KCNJ3: variants seen among roughly 807,000 people sequenced by gnomAD.
KCNJ3 encodes G protein-activated inward rectifier potassium channel 1.
In KCNJ3, 4 loss-of-function variants were observed where a neutral mutation model predicts 39.2. The observed-to-expected ratio is 0.10, with a 90% confidence interval of 0.05 to 0.23. The LOEUF (loss-of-function observed/expected upper bound fraction) is 0.23, where lower values mean the gene tolerates loss of function less well. KCNJ3 is among the 10% of genes least tolerant of loss of function. KCNJ3 has a pLI of 1.00. For missense variants in KCNJ3, 276 were observed against 634.9 expected, an observed-to-expected ratio of 0.43 and a Z score of 6.08; for synonymous variants, 230 against 237.4, an observed-to-expected ratio of 0.97 and a Z score of 0.29.
At chr2:154,748,422 A>G (rs1230239888) in intron 2 of KCNJ3, among the ~76,000 whole-genome samples, 1 of 152,178 alleles carries the variant, frequency 6.6e-6, no homozygotes, top group Non-Finnish European at 1.5e-5. Context: ...AACGAAAAGT[A>G]GAAAATTATG....
chr2:154,844,793 G>C (rs1310437565), intron 2 of KCNJ3, among the ~76,000 whole-genome samples: 1 of 152,188 alleles, frequency 6.6e-6, no homozygotes, highest in Non-Finnish European at 1.5e-5. Flanking sequence ...TGGTTGCTAA[G>C]ACCTTGGGAA....
At chr2:154,853,000 G>C (rs1198687828) in intron 2 of KCNJ3, among the ~76,000 whole-genome samples, 2 of 151,920 alleles carry the variant, frequency 1.3e-5, no homozygotes, top group Admixed American at 1.3e-4. Context: ...CATAGAAATA[G>C]GATGATACTT....
intron 1 of KCNJ3, among the ~76,000 whole-genome samples, chr2:154,703,721 G>C (rs1426769722): frequency 6.6e-6 from 1 of 151,946 alleles, no homozygotes; most frequent in African/African-American, 2.4e-5. Flanking sequence ...TTTATATCTT[G>C]CACTGAAATG....
intron 2 of KCNJ3, among the ~76,000 whole-genome samples, chr2:154,845,418 C>G (rs1687648014): frequency 6.6e-6 from 1 of 152,064 alleles, no homozygotes; most frequent in Admixed American, 6.6e-5. Context: ...CACACCGGGC[C>G]TGAAAAATAT....
intron 2 of KCNJ3, among the ~76,000 whole-genome samples, chr2:154,852,084 A>C (rs560527117): frequency 6.6e-6 from 1 of 152,348 alleles, no homozygotes; most frequent in Non-Finnish European, 1.5e-5. Context: ...ATATTTATTT[A>C]TATTAATCAA....
At chr2:154,808,829 G>A (rs959067662) in intron 2 of KCNJ3, among the ~76,000 whole-genome samples, 3 of 152,144 alleles carry the variant, frequency 2.0e-5, no homozygotes, top group Non-Finnish European at 1.5e-5. Flanking sequence ...ATCAGGAGAA[G>A]GTGAAGGAGG....
intron 2 of KCNJ3, among the ~76,000 whole-genome samples, chr2:154,774,901 T>G (rs182628509): frequency 7.3e-6 from 1 of 137,546 alleles, no homozygotes; most frequent in Non-Finnish European, 1.6e-5. Context: ...AACTTTTCTC[T>G]TTTTTTGTTG....
chr2:154,757,831 C>T (rs946398755), intron 2 of KCNJ3, among the ~76,000 whole-genome samples: 2 of 152,110 alleles, frequency 1.3e-5, no homozygotes, highest in African/African-American at 4.8e-5. Context: ...AGCAAGGGAG[C>T]TCCCTGGAAC....
At chr2:154,725,361 C>CT (rs554084620) in intron 2 of KCNJ3, among the ~76,000 whole-genome samples, 6,277 of 143,062 alleles carry the variant, frequency 0.044, 185 homozygotes, top group South Asian at 0.062. Flanking sequence ...TGAAAGTTTG[C>CT]TTTTTTTTTT....
chr2:154,749,587 C>T (rs889193062), intron 2 of KCNJ3, among the ~76,000 whole-genome samples: 1 of 151,916 alleles, frequency 6.6e-6, no homozygotes, highest in African/African-American at 2.4e-5. Context: ...ATGCATTTTG[C>T]GCTTTCCTTT....
chr2:154,845,741 C>T (rs972139644), intron 2 of KCNJ3, among the ~76,000 whole-genome samples: 2 of 151,888 alleles, frequency 1.3e-5, no homozygotes, highest in Non-Finnish European at 2.9e-5. Flanking sequence ...GAGGCTGAGG[C>T]GGGTGGATCA....
intron 2 of KCNJ3, among the ~76,000 whole-genome samples, chr2:154,819,911 C>CA (rs5835548): frequency 0.25 from 36,740 of 148,262 alleles, 4,632 homozygotes; most frequent in East Asian, 0.42. Context: ...TCCAGATTGG[C>CA]AAAAAAAAAA....
At chr2:154,841,583 C>T (rs184752599) in intron 2 of KCNJ3, among the ~76,000 whole-genome samples, 9 of 152,112 alleles carry the variant, frequency 5.9e-5, no homozygotes, top group Admixed American at 2.0e-4. Context: ...TGGTTGGTAG[C>T]TATTAATTAT....
chr2:154,716,376 C>T (rs1253431239), intron 2 of KCNJ3, among the ~76,000 whole-genome samples: 1 of 150,286 alleles, frequency 6.7e-6, no homozygotes, highest in African/African-American at 2.4e-5. Flanking sequence ...TCGCCTGCCT[C>T]GGCCTCCCAA....
chr2:154,782,655 T>C (rs1251461642), intron 2 of KCNJ3, among the ~76,000 whole-genome samples: 6 of 152,090 alleles, frequency 3.9e-5, no homozygotes, highest in Non-Finnish European at 1.5e-5. Context: ...TCTAGTGCCA[T>C]GCATGACAAT....
intron 2 of KCNJ3, among the ~76,000 whole-genome samples, chr2:154,745,765 T>C (rs1685729633): frequency 6.6e-6 from 1 of 152,062 alleles, no homozygotes. Context: ...TGGACATTAA[T>C]TGAAACTTGA....
intron 2 of KCNJ3, among the ~76,000 whole-genome samples, chr2:154,813,712 T>C (rs1197365351): frequency 6.6e-6 from 1 of 152,238 alleles, no homozygotes; most frequent in Non-Finnish European, 1.5e-5. Flanking sequence ...TCAAATTTCA[T>C]ATCTAGAGAT....
chr2:154,793,515 A>G (rs981332770), intron 2 of KCNJ3, among the ~76,000 whole-genome samples: 1 of 152,088 alleles, frequency 6.6e-6, no homozygotes, highest in Non-Finnish European at 1.5e-5. Flanking sequence ...ACAATAGTGT[A>G]TCAGAAAAGT....
intron 2 of KCNJ3, among the ~76,000 whole-genome samples, chr2:154,751,577 A>G (rs1202043225): frequency 2.6e-5 from 4 of 152,092 alleles, no homozygotes; most frequent in Non-Finnish European, 5.9e-5. Context: ...AAAGGCTGAA[A>G]GGTTAAAGCA....
Sources: gnomAD v4.1 joint callset for allele counts (sites outside exome capture counted in the v4.1 genomes callset) on GRCh38, gnomAD v4.1.1 for gene constraint, MANE v1.5 for transcripts, NCBI Gene and HGNC (gene_info 2026-07-23, HGNC 2026-07-21) for gene names.